Variants in XKR6 observed in about 807,000 individuals in gnomAD.
The protein encoded by XKR6 is XK related 6.
In XKR6, 22 loss-of-function variants were observed where a neutral mutation model predicts 56.7. That is an observed-to-expected ratio of 0.39 (90% CI 0.28 to 0.55). The LOEUF is 0.55. XKR6 is among the 20% of genes least tolerant of loss of function. XKR6 has a pLI of 0.66. For missense variants in XKR6, 852 were observed against 889.0 expected (o/e 0.96, Z 0.53); for synonymous variants, 524 against 387.8 (o/e 1.35, Z -4.13).
At chr8:10,927,435 G>A (rs867038833) in intron 1 of XKR6, among the ~76,000 whole-genome samples, 10 of 152,222 alleles carry the variant, frequency 6.6e-5, no homozygotes, top group Middle Eastern at 3.4e-3. Context: ...GCCCCAGACC[G>A]CAAACCTAAT....
At position 10,973,978 on chromosome 8, in the gene XKR6, A is replaced by G. The variant is rs1802480124; in HGVS notation, c.765-49148T>C. ...TTTTTCTGGATGTTATTATCATTCC[A>G]GTTTTTTTTTAAGTGGGAAATTAAA... On this transcript the variant is annotated intron_variant, in intron 1 of 2. Coordinates refer to ENST00000416569, the MANE Select transcript of XKR6 (RefSeq NM_173683.4). Among the ~76,000 whole-genome samples the G allele has an allele frequency of 2.0e-5, 3 of 152,158 alleles. No homozygotes were observed. In the South Asian group the frequency reaches 6.2e-4, roughly 32 times the overall value.
intron 1 of XKR6, among the ~76,000 whole-genome samples, chr8:10,956,703 T>C (rs796511722): frequency 5.3e-5 from 8 of 152,154 alleles, no homozygotes; most frequent in East Asian, 1.9e-4. Flanking sequence ...GTGCCAATGG[T>C]TTCAAAGGGC....
chr8:11,100,450 C>G (rs78994189), intron 1 of XKR6, among the ~76,000 whole-genome samples: 2 of 152,222 alleles, frequency 1.3e-5, no homozygotes, highest in Non-Finnish European at 2.9e-5. Context: ...TTGTGTTCCA[C>G]TCATTGTGTT....
chr8:10,916,125 C>T (rs1262013738), intron 2 of XKR6, among the ~76,000 whole-genome samples: 1 of 152,222 alleles, frequency 6.6e-6, no homozygotes, highest in Non-Finnish European at 1.5e-5. Flanking sequence ...TGGGGTCCAC[C>T]AGGCAGCGTG....
intron 1 of XKR6, among the ~76,000 whole-genome samples, chr8:10,964,356 T>C (rs925094772): frequency 2.0e-5 from 3 of 152,194 alleles, no homozygotes; most frequent in African/African-American, 7.2e-5. Flanking sequence ...CTCGGGGCTG[T>C]CCTGATGACA....
chr8:10,917,534 T>C (rs1800595753), intron 2 of XKR6, among the ~76,000 whole-genome samples: 1 of 152,350 alleles, frequency 6.6e-6, no homozygotes, highest in Non-Finnish European at 1.5e-5. Context: ...CAGCTGGCCA[T>C]GTTCTGGGGT....
intron 1 of XKR6, among the ~76,000 whole-genome samples, chr8:11,110,722 T>C (rs956580780): frequency 2.6e-5 from 4 of 152,218 alleles, no homozygotes. Flanking sequence ...ACTTTCTGAC[T>C]TTCCTATCAA....
At chr8:11,168,990 T>G (rs532388299) in intron 1 of XKR6, among the ~76,000 whole-genome samples, 1 of 152,210 alleles carries the variant, frequency 6.6e-6, no homozygotes, top group South Asian at 2.1e-4. Context: ...CAAGCCTCTA[T>G]GAATCATCGC....
At chr8:11,095,760 T>C (rs1366703652) in intron 1 of XKR6, among the ~76,000 whole-genome samples, 1 of 152,252 alleles carries the variant, frequency 6.6e-6, no homozygotes, top group Non-Finnish European at 1.5e-5. Flanking sequence ...ATCTGGGATA[T>C]GACCCAGGCA....
chr8:11,153,212 T>G (rs995920734), intron 1 of XKR6, among the ~76,000 whole-genome samples: 2 of 152,204 alleles, frequency 1.3e-5, no homozygotes, highest in Admixed American at 1.3e-4. Context: ...TCAATCTTAA[T>G]GGTTCCTTCA....
At chr8:11,192,926 G>C (rs1220238756) in intron 1 of XKR6, among the ~76,000 whole-genome samples, 1 of 152,174 alleles carries the variant, frequency 6.6e-6, no homozygotes, top group African/African-American at 2.4e-5. Context: ...AACTTCACTG[G>C]CAAGCTTCCC....
chr8:11,176,747 C>G (rs73530582), intron 1 of XKR6, among the ~76,000 whole-genome samples: 9,038 of 152,042 alleles, frequency 0.059, 368 homozygotes, highest in South Asian at 0.1. Context: ...TCTGCAGTAT[C>G]TTCCTCAAAG....
At chr8:11,139,265 A>G (rs1280830614) in intron 1 of XKR6, among the ~76,000 whole-genome samples, 1 of 152,214 alleles carries the variant, frequency 6.6e-6, no homozygotes, top group South Asian at 2.1e-4. Flanking sequence ...TAAAAGCAGA[A>G]TAAGTAGCAA....
chr8:11,060,502 C>G (rs560098856), intron 1 of XKR6, among the ~76,000 whole-genome samples: 2 of 152,246 alleles, frequency 1.3e-5, no homozygotes, highest in Admixed American at 6.5e-5. Flanking sequence ...GTGGGAGACC[C>G]TGACCTGATC....
intron 1 of XKR6, among the ~76,000 whole-genome samples, chr8:10,999,011 G>C (rs556774746): frequency 1.3e-5 from 2 of 152,188 alleles, no homozygotes; most frequent in African/African-American, 4.8e-5. Flanking sequence ...TGTTCTGAGG[G>C]TCAACATAAA....
rs12547627 is a variant in XKR6 at position 11,198,903 on chromosome 8, A to T, written c.764+1673T>A. ...CTGGCATCTTAACAACCAGAAAACA[A>T]CCCCCAGCCCCCGCCCAAAAAAAAA... is the stretch of plus-strand genomic sequence containing the variant. On this transcript the variant is annotated intron_variant, in intron 1 of 2. Transcript: ENST00000416569. 4.3e-4 allele frequency among the ~76,000 whole-genome samples: 64 copies of T among 149,902 alleles called. 1 individual carries two copies. The highest frequency in any genetic ancestry group is 8.7e-4 in the Admixed American group (13 of 14,962).
At chr8:11,125,603 G>C (rs909448052) in intron 1 of XKR6, among the ~76,000 whole-genome samples, 1 of 152,072 alleles carries the variant, frequency 6.6e-6, no homozygotes, top group Non-Finnish European at 1.5e-5. Flanking sequence ...CACTCTAACT[G>C]AAATACCTAA....
chr8:10,938,325 G>A (rs528703128), intron 1 of XKR6, among the ~76,000 whole-genome samples: 5 of 152,290 alleles, frequency 3.3e-5, no homozygotes, highest in Non-Finnish European at 5.9e-5. Flanking sequence ...AGATGAACCC[G>A]GTACCTCAGA....
chr8:11,036,771 T>C (rs1028499082), intron 1 of XKR6, among the ~76,000 whole-genome samples: 4 of 152,250 alleles, frequency 2.6e-5, no homozygotes, highest in Non-Finnish European at 5.9e-5. Context: ...CCCTAAGTTA[T>C]ATACCAAATT....
Sources: allele counts gnomAD v4.1 joint callset (sites outside exome capture counted in the v4.1 genomes callset), GRCh38; gene constraint gnomAD v4.1.1; transcripts MANE v1.5; gene names NCBI Gene and HGNC (gene_info 2026-07-23, HGNC 2026-07-21).